The following THSD4 variants were observed in gnomAD, a reference collection of about 807,000 sequenced individuals.
THSD4 encodes thrombospondin type 1 domain containing 4, also known as thrombospondin type-1 domain-containing protein 4.
Under a neutral mutation model 119.0 loss-of-function variants are expected in THSD4, and 69 were observed. The observed-to-expected ratio is 0.58, with a 90% CI of 0.48 to 0.71. The LOEUF (loss-of-function observed/expected upper bound fraction) is 0.71. Among genes scored for constraint, THSD4 ranks in the 30% least tolerant of loss-of-function variants. THSD4 has a pLI of 0.00. For synonymous variants in THSD4, 524 were observed against 540.4 expected, an observed-to-expected ratio of 0.97 and a Z score of 0.42; for missense variants, 1,393 against 1,391.1, an observed-to-expected ratio of 1.00 and a Z score of -0.02.
intron 4 of THSD4, among the ~76,000 whole-genome samples, chr15:71,218,643 TC>T (rs1402374462): frequency 6.6e-6 from 1 of 152,196 alleles, no homozygotes; most frequent in African/African-American, 2.4e-5. Flanking sequence ...GTCATGCTCC[TC>T]CCGGCTGATG....
At chr15:71,316,707 C>T (rs2045191205) in intron 6 of THSD4, among the ~76,000 whole-genome samples, 1 of 152,092 alleles carries the variant, frequency 6.6e-6, no homozygotes, top group African/African-American at 2.4e-5. Context: ...AGTGGGGCTC[C>T]CTGGACCTGG....
chr15:71,723,555 A>T (rs370591565), intron 8 of THSD4, among the ~76,000 whole-genome samples: 4 of 152,172 alleles, frequency 2.6e-5, no homozygotes, highest in African/African-American at 9.7e-5. Flanking sequence ...ACTATGCTAG[A>T]CTCTCAAACT....
chr15:71,450,110 A>C (rs1275673967), intron 7 of THSD4, among the ~76,000 whole-genome samples: 1 of 152,140 alleles, frequency 6.6e-6, no homozygotes, highest in African/African-American at 2.4e-5. Flanking sequence ...CAAATATATA[A>C]ATCCAGCAGT....
intron 6 of THSD4, among the ~76,000 whole-genome samples, chr15:71,383,282 AT>A (rs747438863): frequency 6.6e-6 from 1 of 152,198 alleles, no homozygotes; most frequent in Non-Finnish European, 1.5e-5. Context: ...TGTTTGACTT[AT>A]CCCCTTTTAT....
intron 8 of THSD4, among the ~76,000 whole-genome samples, chr15:71,661,639 G>A (rs527881941): frequency 3.9e-5 from 6 of 152,110 alleles, no homozygotes; most frequent in Middle Eastern, 3.4e-3. Context: ...CAAGTGGTCT[G>A]CCCACCTCGA....
intron 1 of THSD4, among the ~76,000 whole-genome samples, chr15:71,130,810 T>C (rs958732021): frequency 6.6e-6 from 1 of 152,198 alleles, no homozygotes; most frequent in African/African-American, 2.4e-5. Flanking sequence ...AGTGGTGCAA[T>C]CTCAGCTCGC....
At chr15:71,538,842 T>C (rs2048721307) in intron 7 of THSD4, among the ~76,000 whole-genome samples, 1 of 152,246 alleles carries the variant, frequency 6.6e-6, no homozygotes, top group South Asian at 2.1e-4. Context: ...CCCTGTGTGC[T>C]GTAAGAGTTA....
chr15:71,113,288 G>T (rs933399127), upstream of THSD4, among the ~76,000 whole-genome samples: 1 of 152,190 alleles, frequency 6.6e-6, no homozygotes, highest in Non-Finnish European at 1.5e-5. Flanking sequence ...TTTGACCAAG[G>T]TTGAAAATGG....
intron 3 of THSD4, 104 bp from the exon 4 acceptor site, chr15:71,214,931 A>G (rs1012655427): frequency 2.5e-6 from 3 of 1,203,516 alleles, no homozygotes; most frequent in African/African-American, 1.6e-5. Flanking sequence ...TTTGAAACAG[A>G]CTGTGCCTAC....
At chr15:71,655,468 G>T (rs538041367) in intron 7 of THSD4, among the ~76,000 whole-genome samples, 1 of 152,256 alleles carries the variant, frequency 6.6e-6, no homozygotes, top group Non-Finnish European at 1.5e-5. Context: ...ATGATGATGA[G>T]ATTTACTTAA....
intron 7 of THSD4, among the ~76,000 whole-genome samples, chr15:71,535,852 T>C (rs1046928001): frequency 1.2e-4 from 18 of 152,226 alleles, no homozygotes; most frequent in African/African-American, 4.3e-4. Flanking sequence ...ACATGATTTG[T>C]ACATTTTTTC....
chr15:71,199,613 G>A (rs1218510137), intron 3 of THSD4, among the ~76,000 whole-genome samples: 6 of 122,594 alleles, frequency 4.9e-5, no homozygotes, highest in South Asian at 5.9e-4. Flanking sequence ...GGTGTGTGTG[G>A]TGTGTGGGTG....
intron 6 of THSD4, among the ~76,000 whole-genome samples, chr15:71,377,299 G>A (rs1293099002): frequency 1.3e-5 from 2 of 152,150 alleles, no homozygotes; most frequent in Non-Finnish European, 2.9e-5. Flanking sequence ...GGGAATCCTG[G>A]TGGGAATGCT....
chr15:71,112,153 G>A (rs755622396), upstream of THSD4: 1 of 1,613,696 alleles, frequency 6.2e-7, no homozygotes, highest in Non-Finnish European at 8.5e-7. Flanking sequence ...CTCACCACGT[G>A]CAGACGCTGT....
chr15:71,520,745 GACTA>G (rs10607408), intron 7 of THSD4, among the ~76,000 whole-genome samples: 8,005 of 152,114 alleles, frequency 0.053, 677 homozygotes, highest in African/African-American at 0.18. Flanking sequence ...TTTTCTGATG[GACTA>G]ACTGAGCTCT....
At chr15:71,181,820 A>T (rs1403585464) in intron 3 of THSD4, among the ~76,000 whole-genome samples, 1 of 152,230 alleles carries the variant, frequency 6.6e-6, no homozygotes, top group Non-Finnish European at 1.5e-5. Context: ...ATCAAGGCAG[A>T]TCTGCCTGAC....
intron 8 of THSD4, among the ~76,000 whole-genome samples, chr15:71,700,932 T>C (rs1046269978): frequency 6.6e-6 from 1 of 151,990 alleles, no homozygotes; most frequent in African/African-American, 2.4e-5. Context: ...TCTATAAAAA[T>C]ATCCCAGAAA....
intron 7 of THSD4, among the ~76,000 whole-genome samples, chr15:71,496,673 G>A (rs11072291): frequency 0.98 from 149,154 of 152,310 alleles, 73,103 homozygotes; most frequent in East Asian, 1. Context: ...CTCTAGATAC[G>A]GGAAAGGGTG....
chr15:71,764,644 C>T lies in THSD4; in HGVS notation c.2590-376C>T, dbSNP rs116747762. On this transcript the variant is annotated intron_variant, in intron 15 of 17. Coordinates refer to ENST00000261862, the MANE Select transcript of THSD4 (RefSeq NM_024817.3). ...AGAATAACAGATAAGAATGTCAGTT[C>T]ATTGTCTTGCCTCCTGTGAGAGGTG... Among the ~76,000 whole-genome samples the T allele has an allele frequency of 6.9e-3, 1,050 of 152,356 alleles. 16 individuals carry two copies. The highest frequency in any genetic ancestry group is 0.024 in the African/African-American group (1,001 of 41,584).
Sources: allele counts gnomAD v4.1 joint callset (sites outside exome capture counted in the v4.1 genomes callset), GRCh38; gene constraint gnomAD v4.1.1; transcripts MANE v1.5; gene names NCBI Gene and HGNC (gene_info 2026-07-23, HGNC 2026-07-21).